INO80: variants seen among roughly 807,000 people sequenced by gnomAD.
INO80 encodes the protein chromatin-remodeling ATPase INO80.
Under a neutral mutation model 203.4 loss-of-function variants are expected in INO80, and 20 were observed. The ratio of observed to expected loss-of-function variants is 0.10; its 90% CI spans 0.07 to 0.14. INO80 has a LOEUF of 0.14. Among genes scored for constraint, INO80 ranks in the 10% least tolerant of loss-of-function variants. INO80 has a pLI of 1.00. For synonymous variants in INO80, 726 were observed against 685.2 expected (o/e 1.06, Z -0.93); for missense variants, 1,419 against 1,914.4 (o/e 0.74, Z 4.83).
rs191976494 is a variant in INO80, at chr15:41,019,980, G to C, written c.3274+920C>G. Among the ~76,000 whole-genome samples the C allele has an allele frequency of 6.6e-4, 101 of 152,314 alleles. 2 individuals are homozygous for C. The highest frequency in any genetic ancestry group is 2.4e-3 in the African/African-American group (99 of 41,566). On this transcript the variant is annotated intron_variant, in intron 26 of 35. Coordinates refer to ENST00000648947, the MANE Select transcript of INO80 (RefSeq NM_017553.3). ...CTCACGCCTGTAATCCCAGCACTTT[G>C]GGAGGCTGAGGCAGGCAGATCACGA...
chr15:41,083,856 T>G (rs2045521293), intron 7 of INO80, among the ~76,000 whole-genome samples: 1 of 152,224 alleles, frequency 6.6e-6, no homozygotes, highest in South Asian at 2.1e-4. Flanking sequence ...ACTACTAATT[T>G]GTAAGTCCAC....
At chr15:41,069,131 AT>A (rs1460299204) in intron 14 of INO80, among the ~76,000 whole-genome samples, 1 of 152,024 alleles carries the variant, frequency 6.6e-6, no homozygotes, top group Non-Finnish European at 1.5e-5. Context: ...AACAATGTAT[AT>A]TTTTGTTTTT....
At chr15:41,114,617 G>A (rs1041751381) in intron 1 of INO80, among the ~76,000 whole-genome samples, 20 of 151,570 alleles carry the variant, frequency 1.3e-4, no homozygotes, top group African/African-American at 3.2e-4. Context: ...GCTGAGGCAC[G>A]AGAAGTGCTT....
At chr15:41,047,276 T>C (rs2044785077) in intron 23 of INO80, 132 bp downstream of exon 23, 1 of 707,918 alleles carries the variant, frequency 1.4e-6, no homozygotes, top group South Asian at 1.7e-5. Context: ...ACAAACTTTA[T>C]TCTTAACAAA....
At chr15:41,072,262 A>G (rs1201758105) in intron 11 of INO80, among the ~76,000 whole-genome samples, 6 of 152,074 alleles carry the variant, frequency 3.9e-5, no homozygotes, top group African/African-American at 1.4e-4. Context: ...TGTAACAATT[A>G]TATTAGAAAT....
chr15:41,032,502 G>A (rs957821247), intron 24 of INO80, among the ~76,000 whole-genome samples: 3 of 152,178 alleles, frequency 2.0e-5, no homozygotes, highest in Admixed American at 1.3e-4. Flanking sequence ...TACAGGTACT[G>A]TAGCTGAAAA....
chr15:41,039,104 G>A (rs1261965139), intron 24 of INO80, among the ~76,000 whole-genome samples: 1 of 152,036 alleles, frequency 6.6e-6, no homozygotes, highest in Non-Finnish European at 1.5e-5. Flanking sequence ...CCTTAACTTG[G>A]AATTATGTTC....
Position 40,987,081 on chromosome 15 carries a change from G to GAA in INO80, c.3832+9_3832+10insTT, listed in dbSNP as rs2043746313. The GAA allele has an allele frequency of 1.3e-6, 2 of 1,511,312 alleles. No homozygotes were observed. Among genetic ancestry groups the GAA allele is most frequent in the Non-Finnish European group, 1.8e-6 (2 of 1,086,486 alleles). The allele number at this position is 1,511,312 out of a possible 1,614,324, so 93.6% of individuals were successfully genotyped here. A position where few individuals can be genotyped will look rare whatever the true frequency, so the allele number is the denominator to read the frequency against. ...CGTGAGGGGAGTGTATAGAGGTTTA[G>GAA]AGTACATACGTTTCTTCTCCAACTC... On this transcript the variant is annotated intron_variant, in intron 31 of 35. Coordinates refer to ENST00000648947, the MANE Select transcript of INO80 (RefSeq NM_017553.3).
Position 41,058,887 on chromosome 15 carries a change from G to A in INO80, c.1843-106C>T, listed in dbSNP as rs76617650. On this transcript the variant is annotated intron_variant, in intron 15 of 35. Coordinates refer to ENST00000648947, the MANE Select transcript of INO80 (RefSeq NM_017553.3). Reference sequence around the variant, plus strand: ...GGGCCAAAATGTTTAAGACAGCCCTGAAGATGTGCTTCTCCCATATGGTAG... The same window carrying A: ...GGGCCAAAATGTTTAAGACAGCCCTAAAGATGTGCTTCTCCCATATGGTAG... 7,139 of 1,012,638 alleles carry A rather than the reference G, an allele frequency of 7.0e-3. 343 individuals carry two copies. In the African/African-American group the frequency reaches 0.1, roughly 15 times the overall value. 62.7% of individuals were successfully genotyped at this position (1,012,638 alleles called of 1,614,324 possible). A position where few individuals can be genotyped will look rare whatever the true frequency, so the allele number is the denominator to read the frequency against.
At chr15:41,110,495 G>A (rs966715424) in intron 1 of INO80, among the ~76,000 whole-genome samples, 1 of 152,120 alleles carries the variant, frequency 6.6e-6, no homozygotes, top group Non-Finnish European at 1.5e-5. Flanking sequence ...CTGGAGTGCA[G>A]TGGCAGGATC....
At chr15:41,107,794 T>C (rs2045902201) in intron 1 of INO80, among the ~76,000 whole-genome samples, 1 of 151,224 alleles carries the variant, frequency 6.6e-6, no homozygotes, top group African/African-American at 2.4e-5. Context: ...AGCGAGACTA[T>C]GTCTCAATAA....
At chr15:41,075,218 G>C (rs982142879) in intron 9 of INO80, among the ~76,000 whole-genome samples, 10 of 151,738 alleles carry the variant, frequency 6.6e-5, no homozygotes, top group African/African-American at 1.9e-4. Context: ...CTGGATGGTG[G>C]ATACATGTCT....
intron 25 of INO80, among the ~76,000 whole-genome samples, chr15:41,027,227 G>A (rs1204679416): frequency 1.3e-5 from 2 of 152,026 alleles, no homozygotes; most frequent in South Asian, 2.1e-4. Flanking sequence ...CCAATCTGAC[G>A]CCCTCTCATG....
At chr15:41,107,060 A>G (rs1445610178) in intron 1 of INO80, among the ~76,000 whole-genome samples, 1 of 152,242 alleles carries the variant, frequency 6.6e-6, no homozygotes, top group East Asian at 1.9e-4. Flanking sequence ...ACTCATTTCC[A>G]AAGTTACTTA....
intron 2 of INO80, 60 bp downstream of exon 2, chr15:41,096,108 T>A: frequency 6.6e-7 from 1 of 1,515,602 alleles, no homozygotes; most frequent in Non-Finnish European, 8.9e-7. Context: ...CTGTAAAATC[T>A]GTAAGGATGA....
intron 1 of INO80, among the ~76,000 whole-genome samples, chr15:41,114,401 T>C (rs555737700): frequency 2.0e-5 from 3 of 151,956 alleles, no homozygotes; most frequent in African/African-American, 7.2e-5. Flanking sequence ...TAGAACAGAA[T>C]ATTATTTGGC....
At chr15:41,071,352 C>T (rs1174351828) in intron 12 of INO80, among the ~76,000 whole-genome samples, 2 of 151,698 alleles carry the variant, frequency 1.3e-5, no homozygotes, top group Non-Finnish European at 2.9e-5. Flanking sequence ...CCCATTAACT[C>T]GTCATTTACA....
chr15:40,992,533 TC>T (rs1245727583), intron 29 of INO80, among the ~76,000 whole-genome samples: 2 of 152,222 alleles, frequency 1.3e-5, no homozygotes, highest in African/African-American at 4.8e-5. Context: ...ATTAATCTCT[TC>T]CTTGTCCATA....
intron 9 of INO80, among the ~76,000 whole-genome samples, chr15:41,077,963 C>T (rs1010481994): frequency 6.0e-5 from 9 of 150,326 alleles, no homozygotes; most frequent in Admixed American, 1.3e-4. Context: ...TGTAGTGGCA[C>T]GATCTCAGCT....
Sources: allele counts gnomAD v4.1 joint callset (sites outside exome capture counted in the v4.1 genomes callset), GRCh38; gene constraint gnomAD v4.1.1; transcripts MANE v1.5; gene names NCBI Gene and HGNC (gene_info 2026-07-23, HGNC 2026-07-21).